PTPRD: variants seen among roughly 807,000 people sequenced by gnomAD.
PTPRD encodes the protein protein tyrosine phosphatase receptor type D.
Under a neutral mutation model 214.5 loss-of-function variants are expected in PTPRD, and 34 were observed. That is an observed-to-expected ratio of 0.16 (90% CI 0.12 to 0.21). The LOEUF is 0.21. Ranked by LOEUF, PTPRD falls within the 10% of genes least tolerant of loss-of-function variation. The probability of loss-of-function intolerance (pLI) is 1.00; values close to 1 mark genes in which losing one functional copy is unlikely to be tolerated. For missense variants in PTPRD, 2,545 were observed against 2,398.7 expected, an observed-to-expected ratio of 1.06 and a Z score of -1.27; for synonymous variants, 1,128 against 845.7, an observed-to-expected ratio of 1.33 and a Z score of -5.79.
At chr9:8,505,743 C>T (rs913892840) in intron 22 of PTPRD, among the ~76,000 whole-genome samples, 5 of 151,890 alleles carry the variant, frequency 3.3e-5, no homozygotes, top group African/African-American at 1.2e-4. Flanking sequence ...AATTTTAGAT[C>T]CACCAAGTAA....
chr9:8,528,548 A>T (rs754613369), intron 15 of PTPRD, 43 bp downstream of exon 15: 1 of 1,538,402 alleles, frequency 6.5e-7, no homozygotes, highest in East Asian at 2.3e-5. Flanking sequence ...AATTAAAAAA[A>T]AAAATTCTCT....
intron 9 of PTPRD, among the ~76,000 whole-genome samples, chr9:9,218,313 G>C (rs940478459): frequency 1.3e-5 from 2 of 152,058 alleles, no homozygotes; most frequent in Non-Finnish European, 2.9e-5. Flanking sequence ...AATGTTGCTT[G>C]ATGCTCACTT....
chr9:8,729,156 T>C (rs1379268753), intron 12 of PTPRD, among the ~76,000 whole-genome samples: 2 of 152,142 alleles, frequency 1.3e-5, no homozygotes, highest in Non-Finnish European at 2.9e-5. Flanking sequence ...CTCAATAAAA[T>C]GTATGTAAGA....
intron 3 of PTPRD, among the ~76,000 whole-genome samples, chr9:10,089,974 C>A (rs1456881961): frequency 1.3e-5 from 2 of 151,564 alleles, no homozygotes; most frequent in South Asian, 2.1e-4. Flanking sequence ...TTATTTAGAT[C>A]TATTTTTCAT....
chr9:9,445,367 C>T (rs2090026935), intron 8 of PTPRD, among the ~76,000 whole-genome samples: 2 of 152,106 alleles, frequency 1.3e-5, no homozygotes, highest in South Asian at 4.1e-4. Context: ...GTGGTTCTTC[C>T]TTTTTACATT....
At chr9:10,382,135 G>C (rs1194354954) in intron 2 of PTPRD, among the ~76,000 whole-genome samples, 1 of 151,720 alleles carries the variant, frequency 6.6e-6, no homozygotes, top group East Asian at 1.9e-4. Context: ...TCTGAGGTTG[G>C]ACTGTTTTAA....
At chr9:8,336,511 A>G (rs1846908756) in intron 43 of PTPRD, among the ~76,000 whole-genome samples, 1 of 148,604 alleles carries the variant, frequency 6.7e-6, no homozygotes, top group African/African-American at 2.5e-5. Flanking sequence ...AACCTAGGCA[A>G]TACCATTCAG....
chr9:9,424,830 G>A (rs185066226), intron 8 of PTPRD, among the ~76,000 whole-genome samples: 11 of 151,948 alleles, frequency 7.2e-5, no homozygotes, highest in Admixed American at 1.3e-4. Flanking sequence ...TTTAGAAAAC[G>A]ACAATTTAAT....
chr9:8,958,732 GAGAA>G (rs1386930129), intron 11 of PTPRD: 2 of 152,010 alleles, frequency 1.3e-5, no homozygotes, highest in Non-Finnish European at 2.9e-5. Flanking sequence ...AATTTCAGAA[GAGAA>G]AGAGTCTCTC....
chr9:10,274,671 G>T (rs565116157), intron 3 of PTPRD, among the ~76,000 whole-genome samples: 1 of 152,132 alleles, frequency 6.6e-6, no homozygotes, highest in African/African-American at 2.4e-5. Flanking sequence ...AGGAATAATG[G>T]AACTTAATTT....
chr9:9,673,004 A>G (rs970559719), intron 7 of PTPRD, among the ~76,000 whole-genome samples: 11 of 152,040 alleles, frequency 7.2e-5, no homozygotes, highest in Non-Finnish European at 1.3e-4. Context: ...ATTATAACGT[A>G]TACAAATTAA....
intron 10 of PTPRD, among the ~76,000 whole-genome samples, chr9:9,178,777 A>T (rs954775222): frequency 6.6e-6 from 1 of 152,098 alleles, no homozygotes; most frequent in Admixed American, 6.6e-5. Flanking sequence ...AAGGTTTTTT[A>T]CTACCCTTGA....
intron 7 of PTPRD, among the ~76,000 whole-genome samples, chr9:9,601,109 ATATGTGTGTGTG>A (rs1308176821): frequency 9.8e-6 from 1 of 102,052 alleles, no homozygotes; most frequent in African/African-American, 3.3e-5. Context: ...AGAGATTAAT[ATATGTGTGTGTG>A]TGTGTGTGTG....
At chr9:10,096,386 C>T (rs2098484725) in intron 3 of PTPRD, among the ~76,000 whole-genome samples, 1 of 151,864 alleles carries the variant, frequency 6.6e-6, no homozygotes, top group Admixed American at 6.6e-5. Context: ...TTCTCCACAT[C>T]GTCTCCAGCA....
At chr9:10,296,584 T>G (rs1253151111) in intron 3 of PTPRD, among the ~76,000 whole-genome samples, 1 of 152,080 alleles carries the variant, frequency 6.6e-6, no homozygotes, top group East Asian at 1.9e-4. Context: ...GATTAAAGCC[T>G]TCTTTCTTGT....
intron 30 of PTPRD, among the ~76,000 whole-genome samples, chr9:8,479,699 G>T (rs2096840300): frequency 6.6e-6 from 1 of 152,140 alleles, no homozygotes; most frequent in Admixed American, 6.5e-5. Flanking sequence ...ACAATTTGGT[G>T]AACAGCCTCT....
intron 14 of PTPRD, among the ~76,000 whole-genome samples, chr9:8,581,500 G>A (rs775353434): frequency 1.6e-4 from 25 of 152,174 alleles, no homozygotes; most frequent in Non-Finnish European, 2.6e-4. Context: ...TGTAATCCCA[G>A]CACTTTGGGA....
chr9:9,727,181 C>T (rs1019409748), intron 7 of PTPRD, among the ~76,000 whole-genome samples: 33 of 152,006 alleles, frequency 2.2e-4, no homozygotes, highest in African/African-American at 7.3e-4. Flanking sequence ...CTTGGCCGGG[C>T]GTGGTGGCTC....
chr9:10,313,097 C>T (rs1439036345), intron 3 of PTPRD, among the ~76,000 whole-genome samples: 1 of 151,804 alleles, frequency 6.6e-6, no homozygotes, highest in East Asian at 1.9e-4. Context: ...TTAGCAATCT[C>T]CATAGGCAAA....
Sources: allele counts gnomAD v4.1 joint callset (sites outside exome capture counted in the v4.1 genomes callset), GRCh38; gene constraint gnomAD v4.1.1; transcripts MANE v1.5; gene names NCBI Gene and HGNC (gene_info 2026-07-23, HGNC 2026-07-21).